Variants in RLF observed in about 807,000 individuals in gnomAD.
The protein encoded by RLF is zinc finger protein Rlf.
Under a neutral mutation model 162.9 loss-of-function variants are expected in RLF, and 7 were observed. The observed-to-expected ratio is 0.04, with a 90% CI of 0.02 to 0.08. The LOEUF (loss-of-function observed/expected upper bound fraction) is 0.08. Among genes scored for constraint, RLF ranks in the 10% least tolerant of loss-of-function variants. The pLI is 1.00. For synonymous variants in RLF, 782 were observed against 791.5 expected, an observed-to-expected ratio of 0.99 and a Z score of 0.20; for missense variants, 1,664 against 2,244.7, an observed-to-expected ratio of 0.74 and a Z score of 5.23.
At chr1:40,188,979 A>G (rs1157763719) in intron 1 of RLF, 76 bp from the exon 2 acceptor site, 11 of 966,430 alleles carry the variant, frequency 1.1e-5, no homozygotes, top group African/African-American at 6.6e-5. Flanking sequence ...TGGGAGAGCT[A>G]TGTGGTGTGT....
chr1:40,221,994 T>A lies in RLF; in HGVS notation c.811-580T>A, dbSNP rs941401805. ...TTTATTTGTTTTTTGTTTGTTTTTT[T>A]AAGATTTAAGTCATATAAATGAAAA... is the stretch of plus-strand genomic sequence containing the variant. On this transcript the variant is annotated intron_variant, in intron 5 of 7. Coordinates refer to ENST00000372771, the MANE Select transcript of RLF (RefSeq NM_012421.4). Among the ~76,000 whole-genome samples, 8 of 152,068 alleles carry A rather than the reference T, an allele frequency of 5.3e-5. 1 individual carries two copies. Among genetic ancestry groups the A allele is most frequent in the African/African-American group, 1.9e-4 (8 of 41,430 alleles).
chr1:40,174,490 C>T (rs1278497308), intron 1 of RLF, among the ~76,000 whole-genome samples: 1 of 152,128 alleles, frequency 6.6e-6, no homozygotes, highest in Non-Finnish European at 1.5e-5. Flanking sequence ...AAATGAGATG[C>T]TCTTTAAGGT....
intron 5 of RLF, among the ~76,000 whole-genome samples, chr1:40,220,253 C>G (rs1239408153): frequency 6.6e-6 from 1 of 152,056 alleles, no homozygotes; most frequent in Non-Finnish European, 1.5e-5. Context: ...AACAAAAGTG[C>G]TTCTACTCCT....
chr1:40,224,693 A>G (rs1643044563), intron 6 of RLF, among the ~76,000 whole-genome samples: 1 of 123,378 alleles, frequency 8.1e-6, no homozygotes, highest in East Asian at 2.4e-4. Flanking sequence ...AGAATAACAT[A>G]AAACATTGAA....
At position 40,202,634 on chromosome 1, in the gene RLF, C is replaced by A. The variant is rs761696896; in HGVS notation, c.810+20C>A. 10 of 1,359,394 alleles carry A rather than the reference C, an allele frequency of 7.4e-6. No individual in the cohort carries two copies. The Admixed American group carries it at 1.9e-4, about 25-fold the overall frequency. The allele number at this position is 1,359,394 out of a possible 1,614,324, so 84.2% of individuals were successfully genotyped here. A position where few individuals can be genotyped will look rare whatever the true frequency, so the allele number is the denominator to read the frequency against. On this transcript the variant is annotated intron_variant, in intron 5 of 7. Coordinates refer to ENST00000372771, the MANE Select transcript of RLF (RefSeq NM_012421.4). ...AAGGAGGTGAGTAAATAATTGTTGT[C>A]ATTCAAACTTGGTATTAATTTAATA... is the stretch of plus-strand genomic sequence containing the variant.
intron 3 of RLF, among the ~76,000 whole-genome samples, chr1:40,193,925 A>G (rs1294594081): frequency 6.6e-6 from 1 of 152,162 alleles, no homozygotes; most frequent in Non-Finnish European, 1.5e-5. Context: ...TGTTGACGTA[A>G]ATGGAAGCTT....
chr1:40,239,145 A>G lies in RLF; in HGVS notation c.4443A>G (p.Lys1481=), dbSNP rs1178609368. The change falls in exon 8 of 8, where the codon AAA becomes AAG. Residue 1481 remains lysine (K), a synonymous_variant. Coordinates refer to ENST00000372771, the MANE Select transcript of RLF (RefSeq NM_012421.4). ...DYYDDLFRSQ[K]VANERLLRSE... ...ATGATGATTTGTTTAGAAGCCAGAA[A>G]GTAGCAAATGAGAGACTACTAAGGA... 2 of 1,614,148 alleles carry G rather than the reference A, an allele frequency of 1.2e-6. No individual in the cohort carries two copies. The highest frequency in any genetic ancestry group is 8.5e-7 in the Non-Finnish European group (1 of 1,180,030).
chr1:40,229,975 G>T (rs192263839), intron 6 of RLF, among the ~76,000 whole-genome samples: 1 of 151,836 alleles, frequency 6.6e-6, no homozygotes, highest in Non-Finnish European at 1.5e-5. Flanking sequence ...TTATCCAGGC[G>T]TGGTGGCACA....
At chr1:40,202,654 T>TTAATAGATTTATATATA in intron 5 of RLF, 40 bp downstream of exon 5, 2 of 1,162,548 alleles carry the variant, frequency 1.7e-6, no homozygotes, top group East Asian at 5.6e-5. Flanking sequence ...TGGTATTAAT[T>TTAATAGATTTATATATA]TAATAGATTT....
intron 1 of RLF, among the ~76,000 whole-genome samples, chr1:40,176,331 A>G (rs1360543556): frequency 2.0e-5 from 3 of 152,230 alleles, no homozygotes; most frequent in Non-Finnish European, 4.4e-5. Flanking sequence ...TCAGCGCTGT[A>G]TGAGAGTTCT....
At chr1:40,168,228 A>G (rs1642192853) in intron 1 of RLF, among the ~76,000 whole-genome samples, 1 of 151,916 alleles carries the variant, frequency 6.6e-6, no homozygotes. Context: ...AAATAAATAA[A>G]TAGAAAGATA....
At chr1:40,227,143 C>A (rs1270888392) in intron 6 of RLF, among the ~76,000 whole-genome samples, 3 of 152,138 alleles carry the variant, frequency 2.0e-5, no homozygotes, top group Non-Finnish European at 4.4e-5. Flanking sequence ...ATTTAAAGTT[C>A]TTGCTTAGTA....
chr1:40,238,849 TG>T lies in RLF; in HGVS notation c.4148del (p.Cys1383LeufsTer7). On this transcript the variant is annotated frameshift_variant, in exon 8 of 8. Transcript: ENST00000372771. LOFTEE classifies it high-confidence loss of function. The surrounding 1 kb of genome is among the most constrained non-coding windows in gnomAD (Gnocchi z 5.2). Reference sequence around the variant, plus strand: ...GTGTTCCAAAGCTCTTGCTAAGCACTGTAGTGATTCTCATAACCTAGACCAT... The same window carrying T: ...GTGTTCCAAAGCTCTTGCTAAGCACTTAGTGATTCTCATAACCTAGACCAT... ...FLCSKALAKH[C>X]SDSHNLDHIE... 1 of 1,614,204 alleles carries T rather than the reference TG, an allele frequency of 6.2e-7. No individual in the cohort carries two copies. The highest frequency in any genetic ancestry group is 8.5e-7 in the Non-Finnish European group (1 of 1,180,014).
chr1:40,236,767 A>C lies in RLF; in HGVS notation c.2065A>C (p.Ser689Arg). 6.2e-7 allele frequency: 1 copy of C among 1,614,146 alleles called. No homozygotes were observed. Among genetic ancestry groups the C allele is most frequent in the Non-Finnish European group, 8.5e-7 (1 of 1,179,990 alleles). ...TGTGTTTAAGCAATTTAAATACTTA[A>C]GTGTGCATCTTAAAGCTGAACACCA... ...SRVFKQFKYL[S>R]VHLKAEHQNN... The change falls in exon 8 of 8, where the codon AGT becomes CGT. Residue 689 changes from serine (S) to arginine (R), a missense_variant. Transcript: ENST00000372771. This position sits in a 1 kb window ranked among gnomAD's most constrained non-coding sequence, Gnocchi z 7.7.
chr1:40,168,370 A>C (rs60342590), intron 1 of RLF, among the ~76,000 whole-genome samples: 1 of 152,044 alleles, frequency 6.6e-6, no homozygotes, highest in Non-Finnish European at 1.5e-5. Context: ...CTCAGCCTCT[A>C]GAGTGGCTGG....
rs1642088417 is a variant in RLF at position 40,161,752 on chromosome 1, C to T, written c.237+116C>T. 5 of 1,405,784 alleles carry T rather than the reference C, an allele frequency of 3.6e-6. No homozygotes were observed. In the South Asian group the frequency reaches 4.1e-5, roughly 11 times the overall value. The allele number at this position is 1,405,784 out of a possible 1,614,324, so 87.1% of individuals were successfully genotyped here. A position where few individuals can be genotyped will look rare whatever the true frequency, so the allele number is the denominator to read the frequency against. ...GAAAGGCGCCACCTCCGTGACTCGC[C>T]GCGCCCCCGGGCCGGGAAGGCCCAG... On this transcript the variant is annotated intron_variant, in intron 1 of 7. Transcript: ENST00000372771. The surrounding 1 kb of genome is among the most constrained non-coding windows in gnomAD (Gnocchi z 4.4).
At chr1:40,216,785 T>C (rs1642929685) in intron 5 of RLF, among the ~76,000 whole-genome samples, 2 of 152,098 alleles carry the variant, frequency 1.3e-5, no homozygotes, top group Admixed American at 6.5e-5. Flanking sequence ...CCAGGTACGG[T>C]GTCTCACGCC....
rs748378380 is a variant in RLF at position 40,161,426 on chromosome 1, C to G, written c.27C>G (p.Ala9=). The change falls in exon 1 of 8, where the codon GCC becomes GCG. Residue 9 remains alanine (A), a synonymous_variant. Coordinates refer to ENST00000372771, the MANE Select transcript of RLF (RefSeq NM_012421.4). This position sits in a 1 kb window ranked among gnomAD's most constrained non-coding sequence, Gnocchi z 4.4. MADGKGDA[A]AVAGAGAEAP... The stretch of plus-strand genomic sequence containing the variant: ...TGGCGGACGGAAAGGGAGACGCCGC[C>G]GCTGTCGCCGGGGCTGGGGCTGAGG... 1.3e-6 allele frequency: 2 copies of G among 1,551,540 alleles called. No individual in the cohort carries two copies. The highest frequency in any genetic ancestry group is 1.4e-5 in the African/African-American group (1 of 70,740).
chr1:40,231,595 G>C lies in RLF; in HGVS notation c.1026G>C (p.Gln342His), dbSNP rs752111605. ...ATACTTTTTTGGAGCGCTGTCGTCAGTTTGGTGTCATAGCTAAAACGCAGC... is the reference window on the plus strand; with the variant it reads ...ATACTTTTTTGGAGCGCTGTCGTCACTTTGGTGTCATAGCTAAAACGCAGC... ...SLDTFLERCR[Q>H]FGVIAKTQQH... is the part of the protein sequence containing the mutation. Residue 342 changes from glutamine to histidine, a missense_variant, in exon 7 of 8, where the codon CAG becomes CAC. Physicochemically the swap from Gln to His is conservative, Grantham distance 24 (BLOSUM62 0). Around this residue, in one of 15 missense-constraint regions of RLF, gnomAD observed 287 missense variants for 404.9 expected, o/e 0.71. Transcript: ENST00000372771. 1 of 1,613,952 alleles carries C rather than the reference G, an allele frequency of 6.2e-7. No individual in the cohort carries two copies. The highest frequency in any genetic ancestry group is 2.2e-5 in the East Asian group (1 of 44,876).
Sources: gnomAD v4.1 joint callset for allele counts (sites outside exome capture counted in the v4.1 genomes callset) on GRCh38, gnomAD v4.1.1 for gene constraint, gnomAD v4.1.1 regional missense constraint, Gnocchi (gnomAD v3.1) non-coding constraint, MANE v1.5 for transcripts, NCBI Gene and HGNC (gene_info 2026-07-23, HGNC 2026-07-21) for gene names.